The following MMP24 variants were observed in gnomAD, a reference collection of about 807,000 sequenced individuals.
MMP24 encodes the protein matrix metallopeptidase 24.
A neutral mutation model predicts 62.8 loss-of-function variants in MMP24; 25 were observed. The observed-to-expected ratio is 0.40, with a 90% CI of 0.29 to 0.56. The LOEUF is 0.56. Ranked by LOEUF, MMP24 falls within the 20% of genes least tolerant of loss-of-function variation. The pLI, the probability that MMP24 is intolerant of heterozygous loss-of-function variation, is 0.50. For missense variants in MMP24, 634 were observed against 853.6 expected (o/e 0.74, Z 3.21); for synonymous variants, 319 against 350.5 (o/e 0.91, Z 1.00).
At chr20:35,230,279 C>T (rs911464107) in intron 1 of MMP24, among the ~76,000 whole-genome samples, 5 of 152,130 alleles carry the variant, frequency 3.3e-5, no homozygotes, top group Admixed American at 6.5e-5. Flanking sequence ...TGTGAGCCAC[C>T]GTGCCCAGCC....
chr20:35,238,838 C>A (rs1427977809), intron 1 of MMP24, among the ~76,000 whole-genome samples: 2 of 152,176 alleles, frequency 1.3e-5, no homozygotes, highest in African/African-American at 2.4e-5. Flanking sequence ...CACTTATTCC[C>A]ACATGGTTCT....
chr20:35,253,198 G>C (rs747018902), intron 3 of MMP24, among the ~76,000 whole-genome samples: 15 of 150,568 alleles, frequency 1.0e-4, no homozygotes, highest in Non-Finnish European at 2.2e-4. Flanking sequence ...GCAGAGGCAA[G>C]ATCTAAGACA....
At chr20:35,273,280 C>T (rs1414059710) in intron 8 of MMP24, among the ~76,000 whole-genome samples, 1 of 151,850 alleles carries the variant, frequency 6.6e-6, no homozygotes, top group East Asian at 1.9e-4. Flanking sequence ...CCTGTAGTCC[C>T]AGCTACTTGG....
At chr20:35,254,357 G>C in intron 3 of MMP24, 93 bp from the exon 4 acceptor site, 1 of 1,267,088 alleles carries the variant, frequency 7.9e-7, no homozygotes, top group Admixed American at 2.1e-5. Flanking sequence ...TTCAAAATCA[G>C]ATCACTGAGC....
chr20:35,235,091 T>C (rs968753113), intron 1 of MMP24, among the ~76,000 whole-genome samples: 8 of 152,162 alleles, frequency 5.3e-5, no homozygotes, highest in African/African-American at 1.9e-4. Flanking sequence ...AGTTCAACCA[T>C]CTCCCTGTTG....
At chr20:35,248,854 T>C (rs1194449209) in intron 2 of MMP24, among the ~76,000 whole-genome samples, 1 of 152,272 alleles carries the variant, frequency 6.6e-6, no homozygotes, top group African/African-American at 2.4e-5. Flanking sequence ...ACAGGCCTCA[T>C]GGCAGTGCAT....
At chr20:35,266,368 A>C (rs1383469992) in intron 5 of MMP24, among the ~76,000 whole-genome samples, 1 of 150,778 alleles carries the variant, frequency 6.6e-6, no homozygotes, top group East Asian at 1.9e-4. Context: ...AAAAAAAAAA[A>C]AAAAAAAGTT....
In MMP24 at chr20:35,226,767, C is replaced by CA; in HGVS notation, c.29_30insA (p.Pro11AlafsTer85). 3.6e-6 allele frequency: 2 copies of CA among 552,302 alleles called. No individual in the cohort carries two copies. Among genetic ancestry groups the CA allele is most frequent in the Non-Finnish European group, 3.9e-6 (2 of 506,690 alleles). 34.2% of individuals were successfully genotyped at this position (552,302 alleles called of 1,614,324 possible). A position where few individuals can be genotyped will look rare whatever the true frequency, so the allele number is the denominator to read the frequency against. On this transcript the variant is annotated frameshift_variant, in exon 1 of 9. Coordinates refer to ENST00000246186, the MANE Select transcript of MMP24 (RefSeq NM_006690.4). LOFTEE classifies it high-confidence loss of function. ...CCGAGGAGCCGGGGCGGCCGCGCCG[C>CA]GCCGGGGCCGCCGCCGCCGCCGCCG...
intron 2 of MMP24, among the ~76,000 whole-genome samples, chr20:35,247,528 A>C (rs1292718634): frequency 6.6e-6 from 1 of 152,152 alleles, no homozygotes; most frequent in East Asian, 1.9e-4. Flanking sequence ...TTGGGGAGAC[A>C]CTTAGGAGGT....
intron 1 of MMP24, among the ~76,000 whole-genome samples, chr20:35,237,252 G>A (rs554445658): frequency 9.2e-5 from 14 of 152,322 alleles, no homozygotes; most frequent in Admixed American, 9.2e-4. Flanking sequence ...CTGAAATCAA[G>A]TTATTGGCAG....
chr20:35,239,307 G>C (rs1203891844), intron 1 of MMP24, among the ~76,000 whole-genome samples: 1 of 152,084 alleles, frequency 6.6e-6, no homozygotes. Flanking sequence ...AAAGTGCTGA[G>C]ATTACAGGCA....
chr20:35,226,926 C>T lies in MMP24; in HGVS notation c.188C>T (p.Ala63Val). 1 of 975,940 alleles carries T rather than the reference C, an allele frequency of 1.0e-6. No individual in the cohort carries two copies. Among genetic ancestry groups the T allele is most frequent in the Non-Finnish European group, 1.2e-6 (1 of 824,196 alleles). 60.5% of individuals were successfully genotyped at this position (975,940 alleles called of 1,614,324 possible). Residue 63 changes from alanine to valine, a missense_variant, in exon 1 of 9, where the codon GCA becomes GTA. Physicochemically the swap from Ala to Val is moderately conservative, Grantham distance 64. Around this residue, in one of 3 missense-constraint regions of MMP24, gnomAD observed 212 missense variants for 259.6 expected, o/e 0.82. Coordinates refer to ENST00000246186, the MANE Select transcript of MMP24 (RefSeq NM_006690.4). Reference protein sequence around the residue: ...AAAAAGAGNRAAVAVAVARAD... With the variant: ...AAAAAGAGNRVAVAVAVARAD... Reference sequence around the variant, plus strand: ...GCGGCGGCGGGGGCAGGGAACCGGGCAGCGGTGGCGGTGGCGGTGGCGCGG... The same window carrying T: ...GCGGCGGCGGGGGCAGGGAACCGGGTAGCGGTGGCGGTGGCGGTGGCGCGG...
intron 4 of MMP24, chr20:35,263,506 A>G (rs1050724557): frequency 7.9e-6 from 2 of 254,648 alleles, no homozygotes; most frequent in Admixed American, 5.5e-5. Flanking sequence ...ATCTTCCTCC[A>G]GGTTTAAATG....
chr20:35,244,256 A>G (rs2060502211), intron 1 of MMP24, among the ~76,000 whole-genome samples: 1 of 152,160 alleles, frequency 6.6e-6, no homozygotes, highest in Non-Finnish European at 1.5e-5. Flanking sequence ...GGCATTCAGG[A>G]TAATCCTCTG....
chr20:35,236,384 T>C (rs2060463198), intron 1 of MMP24, among the ~76,000 whole-genome samples: 1 of 152,196 alleles, frequency 6.6e-6, no homozygotes, highest in Non-Finnish European at 1.5e-5. Flanking sequence ...AAAACAAGTA[T>C]GTTAAATTAG....
chr20:35,274,239 T>C lies in MMP24; in HGVS notation c.1601-33T>C. 1.9e-6 allele frequency: 3 copies of C among 1,565,954 alleles called. No individual in the cohort carries two copies. The highest frequency in any genetic ancestry group is 2.6e-6 in the Non-Finnish European group (3 of 1,155,658). ...CCCCAGAGCAGGTGCCGGAAGTGTC[T>C]GGGAGTGGTGATGCTGGGCTGTATT... On this transcript the variant is annotated intron_variant, in intron 8 of 8. Coordinates refer to ENST00000246186, the MANE Select transcript of MMP24 (RefSeq NM_006690.4). This position sits in a 1 kb window ranked among gnomAD's most constrained non-coding sequence, Gnocchi z 5.1.
chr20:35,272,956 G>A (rs751782951), intron 8 of MMP24, among the ~76,000 whole-genome samples: 4 of 152,096 alleles, frequency 2.6e-5, no homozygotes, highest in Admixed American at 1.3e-4. Flanking sequence ...AGCTGCTATC[G>A]TCATCATCAT....
chr20:35,264,350 G>A (rs772629294), intron 5 of MMP24, among the ~76,000 whole-genome samples: 36 of 152,078 alleles, frequency 2.4e-4, no homozygotes, highest in Non-Finnish European at 2.8e-4. Flanking sequence ...CAGGAGTAAC[G>A]GTGATACAGC....
rs2060640622 is a variant in MMP24 at position 35,267,251 on chromosome 20, C to T, written c.1026C>T (p.Leu342=). The T allele has an allele frequency of 6.2e-7, 1 of 1,606,082 alleles. No individual in the cohort carries two copies. The highest frequency in any genetic ancestry group is 8.5e-7 in the Non-Finnish European group (1 of 1,176,660). ...AGCCCACAAGGCCACTCCCTACACT[C>T]CCCGTCCGCAGGATCCACTCACCAT... ...PLEPTRPLPT[L]PVRRIHSPSE... is the part of the protein sequence containing the mutation. The change falls in exon 6 of 9, where the codon CTC becomes CTT. Residue 342 remains leucine (L), a synonymous_variant. Transcript: ENST00000246186.
Sources: allele counts gnomAD v4.1 joint callset (sites outside exome capture counted in the v4.1 genomes callset), GRCh38; gene constraint gnomAD v4.1.1; regional missense constraint gnomAD v4.1.1; non-coding constraint Gnocchi (gnomAD v3.1); transcripts MANE v1.5; gene names NCBI Gene and HGNC (gene_info 2026-07-23, HGNC 2026-07-21).